PTPRN2: variants seen among roughly 807,000 people sequenced by gnomAD.
PTPRN2 encodes the protein receptor-type tyrosine-protein phosphatase N2.
PTPRN2 carries 74 observed loss-of-function variants against 118.8 expected under a neutral mutation model. The ratio of observed to expected loss-of-function variants is 0.62; its 90% CI spans 0.52 to 0.76. The LOEUF (loss-of-function observed/expected upper bound fraction) is 0.76, where lower values mean the gene tolerates loss of function less well. Ranked by LOEUF, PTPRN2 falls within the 30% of genes least tolerant of loss-of-function variation. PTPRN2 has a pLI of 0.00. For synonymous variants in PTPRN2, 641 were observed against 608.0 expected, an observed-to-expected ratio of 1.05 and a Z score of -0.80; for missense variants, 1,481 against 1,394.4, an observed-to-expected ratio of 1.06 and a Z score of -0.99.
intron 11 of PTPRN2, among the ~76,000 whole-genome samples, chr7:157,988,243 C>T (rs924792485): frequency 3.3e-5 from 5 of 152,174 alleles, no homozygotes; most frequent in African/African-American, 1.2e-4. Flanking sequence ...CAGCTTGTCT[C>T]CCAAAGACAG....
At chr7:158,258,709 G>A (rs35582027) in intron 3 of PTPRN2, among the ~76,000 whole-genome samples, 21,291 of 152,202 alleles carry the variant, frequency 0.14, 1,935 homozygotes, top group African/African-American at 0.25. Flanking sequence ...ACCACCAGCC[G>A]TTGGCTCTGC....
rs566796761 is a variant in PTPRN2 at position 157,893,910 on chromosome 7, C to T, written c.1788+4763G>A. On this transcript the variant is annotated intron_variant, in intron 12 of 22. Coordinates refer to ENST00000389418, the MANE Select transcript of PTPRN2 (RefSeq NM_002847.5). The surrounding 1 kb of genome is among the most constrained non-coding windows in gnomAD (Gnocchi z 4.0). The stretch of plus-strand genomic sequence containing the variant: ...ACTTGAAGGGAACAGAGATGGCCGT[C>T]GCGCCCAGTGAGAGCAGAAAGCAAT... Among the ~76,000 whole-genome samples, 9 of 152,222 alleles carry T rather than the reference C, an allele frequency of 5.9e-5. No homozygotes were observed. The highest frequency in any genetic ancestry group is 1.9e-4 in the African/African-American group (8 of 41,526).
chr7:157,909,141 C>G (rs1797937241), intron 11 of PTPRN2, among the ~76,000 whole-genome samples: 1 of 152,162 alleles, frequency 6.6e-6, no homozygotes, highest in Non-Finnish European at 1.5e-5. Flanking sequence ...TCACTACTCA[C>G]AGGATTATAA....
chr7:158,002,011 T>A (rs2128860222), intron 11 of PTPRN2, among the ~76,000 whole-genome samples: 1 of 152,318 alleles, frequency 6.6e-6, no homozygotes, highest in South Asian at 2.1e-4. Context: ...GCCGCCAGCT[T>A]CAGATTCAGA....
chr7:157,549,741 G>A (rs1798500845), intron 21 of PTPRN2, among the ~76,000 whole-genome samples: 2 of 152,202 alleles, frequency 1.3e-5, no homozygotes, highest in African/African-American at 4.8e-5. Flanking sequence ...GCAAGACAGG[G>A]TCCCGACCTC....
intron 9 of PTPRN2, among the ~76,000 whole-genome samples, chr7:158,125,406 C>T (rs538941748): frequency 2.6e-5 from 4 of 152,330 alleles, no homozygotes; most frequent in Non-Finnish European, 4.4e-5. Context: ...TTCCCACGGC[C>T]GCTCCCAGCA....
intron 12 of PTPRN2, among the ~76,000 whole-genome samples, chr7:157,876,488 G>A (rs1795774702): frequency 6.6e-6 from 1 of 152,222 alleles, no homozygotes; most frequent in African/African-American, 2.4e-5. Context: ...ACTGTTGGAT[G>A]CTGACACCAC....
intron 3 of PTPRN2, among the ~76,000 whole-genome samples, chr7:158,211,814 C>A (rs1827624422): frequency 6.6e-6 from 1 of 152,120 alleles, no homozygotes; most frequent in Admixed American, 6.6e-5. Context: ...TTTGGAGGTT[C>A]CTTAAAAAGC....
At chr7:157,988,943 T>C (rs866034311) in intron 11 of PTPRN2, among the ~76,000 whole-genome samples, 49 of 152,228 alleles carry the variant, frequency 3.2e-4, no homozygotes, top group African/African-American at 1.1e-3. Flanking sequence ...TGTCCTCATA[T>C]GCAAACATGT....
intron 2 of PTPRN2, among the ~76,000 whole-genome samples, chr7:158,356,548 C>T (rs1427716347): frequency 1.3e-5 from 2 of 152,136 alleles, no homozygotes; most frequent in Non-Finnish European, 2.9e-5. Context: ...CCCAACACTG[C>T]CAGCAATCTG....
intron 6 of PTPRN2, among the ~76,000 whole-genome samples, chr7:158,150,802 C>T (rs150022045): frequency 7.0e-4 from 107 of 152,046 alleles, no homozygotes; most frequent in Middle Eastern, 3.4e-3. Flanking sequence ...CCTCTCCCTC[C>T]GTGTCCTGTG....
rs913914129 is a variant in PTPRN2 at position 157,671,991 on chromosome 7, G to A, written c.2001+10734C>T. On this transcript the variant is annotated intron_variant, in intron 13 of 22. Transcript: ENST00000389418. This position sits in a 1 kb window ranked among gnomAD's most constrained non-coding sequence, Gnocchi z 4.1. ...CAGCCCTGGAGGAAAACCCGTGAGC[G>A]AGTCGTGGAGGGAGTGTGAGGGTTT... Among the ~76,000 whole-genome samples the A allele has an allele frequency of 1.3e-5, 2 of 152,152 alleles. No homozygotes were observed. The highest frequency in any genetic ancestry group is 2.4e-5 in the African/African-American group (1 of 41,432).
chr7:157,679,933 C>T (rs1796842402), intron 13 of PTPRN2, among the ~76,000 whole-genome samples: 1 of 152,178 alleles, frequency 6.6e-6, no homozygotes. Context: ...CACCAGTGCC[C>T]CCCAGGATAC....
intron 17 of PTPRN2, among the ~76,000 whole-genome samples, chr7:157,588,911 C>T (rs138950527): frequency 2.0e-3 from 302 of 152,180 alleles, no homozygotes; most frequent in Non-Finnish European, 3.8e-3. Flanking sequence ...CAGCTTCATC[C>T]TGGGTAGAAT....
intron 2 of PTPRN2, among the ~76,000 whole-genome samples, chr7:158,343,108 G>A (rs1807190345): frequency 6.6e-6 from 1 of 152,174 alleles, no homozygotes; most frequent in South Asian, 2.1e-4. Context: ...GACACTATTA[G>A]CAGCAGGAAA....
chr7:157,561,305 A>G (rs1227606577), intron 21 of PTPRN2, among the ~76,000 whole-genome samples: 1 of 152,110 alleles, frequency 6.6e-6, no homozygotes, highest in Non-Finnish European at 1.5e-5. Context: ...GGGTTCTCCC[A>G]CTTCCCTGCA....
intron 11 of PTPRN2, among the ~76,000 whole-genome samples, chr7:158,006,762 G>T (rs374130151): frequency 6.6e-6 from 1 of 152,176 alleles, no homozygotes. Context: ...GTTTGGGTCT[G>T]ACTGGGGCCA....
chr7:158,327,388 C>A (rs1803718391), intron 2 of PTPRN2, among the ~76,000 whole-genome samples: 1 of 146,586 alleles, frequency 6.8e-6, no homozygotes, highest in Admixed American at 6.7e-5. Context: ...ATCACATGCA[C>A]ACACATGCTC....
chr7:158,419,839 A>G (rs1221014497), intron 2 of PTPRN2, among the ~76,000 whole-genome samples: 1 of 152,164 alleles, frequency 6.6e-6, no homozygotes, highest in African/African-American at 2.4e-5. Flanking sequence ...TCCAAATCCA[A>G]AAGAAGTGGC....
Sources: allele counts gnomAD v4.1 joint callset (sites outside exome capture counted in the v4.1 genomes callset), GRCh38; gene constraint gnomAD v4.1.1; non-coding constraint Gnocchi (gnomAD v3.1); transcripts MANE v1.5; gene names NCBI Gene and HGNC (gene_info 2026-07-23, HGNC 2026-07-21).